TRIM28: variants seen among roughly 807,000 people sequenced by gnomAD.
The protein encoded by TRIM28 is transcription intermediary factor 1-beta.
In TRIM28, 8 loss-of-function variants were observed where a neutral mutation model predicts 87.4. The ratio of observed to expected loss-of-function variants is 0.09; its 90% CI spans 0.05 to 0.17. The LOEUF is 0.17. Ranked by LOEUF, TRIM28 falls within the 10% of genes least tolerant of loss-of-function variation. The pLI is 1.00. For synonymous variants in TRIM28, 601 were observed against 454.3 expected, an observed-to-expected ratio of 1.32 and a Z score of -4.11; for missense variants, 968 against 1,131.8, an observed-to-expected ratio of 0.86 and a Z score of 2.08.
rs1568658831 is a variant in TRIM28 at position 58,545,017 on chromosome 19, C to T, written c.260C>T (p.Ala87Val). 6.7e-7 allele frequency: 1 copy of T among 1,496,816 alleles called. No individual in the cohort carries two copies. Among genetic ancestry groups the T allele is most frequent in the Non-Finnish European group, 8.8e-7 (1 of 1,134,800 alleles). 92.7% of individuals were successfully genotyped at this position (1,496,816 alleles called of 1,614,324 possible). A position where few individuals can be genotyped will look rare whatever the true frequency, so the allele number is the denominator to read the frequency against. ...EPRLLPCLHS[A>V]CSACLGPAAP... is the part of the protein sequence containing the mutation. ...CGCCTGCTGCCCTGTTTGCACTCGGCCTGTAGTGCCTGCTTAGGGCCCGCG... is the reference window on the plus strand; with the variant it reads ...CGCCTGCTGCCCTGTTTGCACTCGGTCTGTAGTGCCTGCTTAGGGCCCGCG... The change falls in exon 1 of 17, where the codon GCC (alanine) becomes GTC (valine). Residue 87 changes from alanine to valine, a missense_variant. Physicochemically the swap from Ala to Val is moderately conservative, Grantham distance 64. Transcript: ENST00000253024.
At position 58,545,859 on chromosome 19, in the gene TRIM28, G is replaced by A. The variant is rs762115738; in HGVS notation, c.549G>A (p.Arg183=). 2.5e-6 allele frequency: 4 copies of A among 1,610,466 alleles called. No homozygotes were observed. The Admixed American group carries it at 6.7e-5, about 27-fold the overall frequency. The part of the protein sequence containing the change: ...LCETCVEAHQ[R]VKYTKDHTVR... ...AGACCTGTGTAGAGGCGCACCAGCG[G>A]GTGAAGTACACCAAGGACCATACTG... The change falls in exon 3 of 17, where the codon CGG becomes CGA. Residue 183 remains arginine, a synonymous_variant. Coordinates refer to ENST00000253024, the MANE Select transcript of TRIM28 (RefSeq NM_005762.3).
chr19:58,547,918 G>A lies in TRIM28; in HGVS notation c.954+12G>A, dbSNP rs1234412087. The A allele has an allele frequency of 1.2e-6, 2 of 1,614,120 alleles. No homozygotes were observed. The highest frequency in any genetic ancestry group is 2.2e-5 in the South Asian group (2 of 91,088). ...TCAATGATGCCCAGGTAAGCCTTGT[G>A]CCGGTGAGAAGGGTCCCTGAGCCCC... On this transcript the variant is annotated intron_variant, in intron 6 of 16. Coordinates refer to ENST00000253024, the MANE Select transcript of TRIM28 (RefSeq NM_005762.3).
rs1600081977 is a variant in TRIM28 at position 58,548,090 on chromosome 19, G to A, written c.1011G>A (p.Lys337=). The change falls in exon 7 of 17, where the codon AAG becomes AAA. Residue 337 remains lysine, a synonymous_variant. Transcript: ENST00000253024. ...RLERQHWTMT[K]IQKHQEHILR... ...AGCGGCAGCACTGGACCATGACCAA[G>A]ATCCAGAAGCACCAGGAGCACATTC... 1.2e-6 allele frequency: 2 copies of A among 1,614,206 alleles called. No individual in the cohort carries two copies. The highest frequency in any genetic ancestry group is 1.7e-6 in the Non-Finnish European group (2 of 1,180,032).
chr19:58,545,076 G>A lies in TRIM28; in HGVS notation c.319G>A (p.Gly107Arg), dbSNP rs931112982. ...PAAANSSGDGGAAGDGTVVDC... is the reference protein window; with the variant it reads ...PAAANSSGDGRAAGDGTVVDC... ...CGCCGCCAACAGCTCGGGGGACGGC[G>A]GGGCGGCGGGCGACGGCACCGGTAA... The change falls in exon 1 of 17, where the codon GGG becomes AGG. Residue 107 changes from glycine (G) to arginine (R), a missense_variant. Coordinates refer to ENST00000253024, the MANE Select transcript of TRIM28 (RefSeq NM_005762.3). 2.7e-5 allele frequency: 39 copies of A among 1,439,098 alleles called. No homozygotes were observed. The highest frequency in any genetic ancestry group is 3.0e-5 in the Non-Finnish European group (33 of 1,109,432). The allele number at this position is 1,439,098 out of a possible 1,614,324, so 89.1% of individuals were successfully genotyped here.
rs747352736 is a variant in TRIM28 at position 58,547,378 on chromosome 19, C to T, written c.589C>T (p.Pro197Ser). Residue 197 changes from proline (P) to serine (S), a missense_variant and splice_region_variant, in exon 4 of 17, where the codon CCA becomes TCA. Physicochemically the swap from Pro to Ser is moderately conservative, Grantham distance 74. Coordinates refer to ENST00000253024, the MANE Select transcript of TRIM28 (RefSeq NM_005762.3). ...GCCTTATGATTCCCACTCCCCAGGGCCAGCCAAGTCTCGGGATGGTGAACG... is the reference window on the plus strand; with the variant it reads ...GCCTTATGATTCCCACTCCCCAGGGTCAGCCAAGTCTCGGGATGGTGAACG... ...TKDHTVRSTG[P>S]AKSRDGERTV... The T allele has an allele frequency of 6.2e-7, 1 of 1,613,552 alleles. No homozygotes were observed. The highest frequency in any genetic ancestry group is 1.7e-5 in the Admixed American group (1 of 59,996).
rs1229843983 is a variant in TRIM28, at chr19:58,549,901, C to G, written c.2106+41C>G. 6.2e-7 allele frequency: 1 copy of G among 1,613,962 alleles called. No homozygotes were observed. The highest frequency in any genetic ancestry group is 8.5e-7 in the Non-Finnish European group (1 of 1,179,946). The stretch of plus-strand genomic sequence containing the variant: ...ACTTAGGTGGGGTTGCCCAGAGAGG[C>G]TTTATAGGTGCTGCCCAGAGCTGTG... On this transcript the variant is annotated intron_variant, in intron 14 of 16. Transcript: ENST00000253024. This position sits in a 1 kb window ranked among gnomAD's most constrained non-coding sequence, Gnocchi z 4.4.
Position 58,547,613 on chromosome 19 carries a change from G to A in TRIM28, c.739G>A (p.Asp247Asn), listed in dbSNP as rs2053772922. 2 of 1,613,938 alleles carry A rather than the reference G, an allele frequency of 1.2e-6. No individual in the cohort carries two copies. Among genetic ancestry groups the A allele is most frequent in the Non-Finnish European group, 1.7e-6 (2 of 1,180,032 alleles). ...TGCTCTCAGGTACCAGTTCTTAGAGGATGCAGTGAGGAACCAGCGCAAGCT... is the reference window on the plus strand; with the variant it reads ...TGCTCTCAGGTACCAGTTCTTAGAGAATGCAGTGAGGAACCAGCGCAAGCT... ...HKDHQYQFLEDAVRNQRKLLA... is the reference protein window; with the variant it reads ...HKDHQYQFLENAVRNQRKLLA... Residue 247 changes from aspartate (D) to asparagine (N), a missense_variant, in exon 5 of 17, where the codon GAT (aspartate) becomes AAT (asparagine). By Grantham distance (23) the Asp-to-Asn change is conservative. Transcript: ENST00000253024.
At position 58,548,579 on chromosome 19, in the gene TRIM28, C is replaced by G; in HGVS notation, c.1310C>G (p.Ser437Cys). Reference protein sequence around the residue: ...RAPGPLSKQGSGSSQPMEVQE... With the variant: ...RAPGPLSKQGCGSSQPMEVQE... ...CCAGGGCCCCTGAGCAAGCAGGGCT[C>G]TGGCAGCAGCCAGGTGAGCAGGAGA... The change falls in exon 9 of 17, where the codon TCT (serine) becomes TGT (cysteine). Residue 437 changes from serine (S) to cysteine (C), a missense_variant. Physicochemically the swap from Ser to Cys is moderately radical, Grantham distance 112. This residue lies in a region of TRIM28 where 119 missense variants were observed against 93.6 expected (regional missense o/e 1.27). Coordinates refer to ENST00000253024, the MANE Select transcript of TRIM28 (RefSeq NM_005762.3). 11 of 1,602,216 alleles carry G rather than the reference C, an allele frequency of 6.9e-6. No individual in the cohort carries two copies. The highest frequency in any genetic ancestry group is 1.1e-5 in the South Asian group (1 of 90,732).
Position 58,549,290 on chromosome 19 carries a change from G to C in TRIM28, c.1663-41G>C, listed in dbSNP as rs1303626751. 2 of 1,586,828 alleles carry C rather than the reference G, an allele frequency of 1.3e-6. No homozygotes were observed. Among genetic ancestry groups the C allele is most frequent in the Non-Finnish European group, 1.7e-6 (2 of 1,163,220 alleles). ...GCTGTAGGATGAAGCCTGTAGTCCA[G>C]GTCTGGACCCTGTTGAACACCCCTC... On this transcript the variant is annotated intron_variant, in intron 12 of 16. Coordinates refer to ENST00000253024, the MANE Select transcript of TRIM28 (RefSeq NM_005762.3). The surrounding 1 kb of genome is among the most constrained non-coding windows in gnomAD (Gnocchi z 4.4).
At position 58,545,047 on chromosome 19, in the gene TRIM28, C is replaced by A; in HGVS notation, c.290C>A (p.Pro97His). Residue 97 changes from proline (P) to histidine (H), a missense_variant, in exon 1 of 17, where the codon CCC (proline) becomes CAC (histidine). Physicochemically the swap from Pro to His is moderately conservative, Grantham distance 77. Coordinates refer to ENST00000253024, the MANE Select transcript of TRIM28 (RefSeq NM_005762.3). ...AGTGCCTGCTTAGGGCCCGCGGCCC[C>A]CGCCGCCGCCAACAGCTCGGGGGAC... The part of the protein sequence containing the change: ...ACSACLGPAA[P>H]AAANSSGDGG... The A allele has an allele frequency of 6.9e-7, 1 of 1,459,186 alleles. No individual in the cohort carries two copies. The highest frequency in any genetic ancestry group is 8.9e-7 in the Non-Finnish European group (1 of 1,119,400). 90.4% of individuals were successfully genotyped at this position (1,459,186 alleles called of 1,614,324 possible).
intron 3 of TRIM28, 46 bp from the exon 4 acceptor site, chr19:58,547,330 G>C: frequency 6.3e-7 from 1 of 1,599,866 alleles, no homozygotes. Flanking sequence ...TCCTGAGTTG[G>C]GGGTGGTGAA....
chr19:58,545,970 G>C, intron 3 of TRIM28, 74 bp downstream of exon 3: 1 of 1,524,214 alleles, frequency 6.6e-7, no homozygotes, highest in Non-Finnish European at 8.9e-7. Flanking sequence ...GATGTTGGTT[G>C]CATCTGGTGG....
At position 58,548,473 on chromosome 19, in the gene TRIM28, CT is replaced by C; in HGVS notation, c.1217-11del. 2.5e-6 allele frequency: 4 copies of C among 1,614,070 alleles called. No individual in the cohort carries two copies. The highest frequency in any genetic ancestry group is 3.4e-6 in the Non-Finnish European group (4 of 1,180,002). On this transcript the variant is annotated splice_polypyrimidine_tract_variant and intron_variant, in intron 8 of 16. Transcript: ENST00000253024. ...GTGCTGCACCTACTTACGTTTCTCT[CT>C]TCTTTTTGCAGGCAAGATTGTGGCA...
intron 15 of TRIM28, 54 bp from the exon 16 acceptor site, chr19:58,550,093 C>T (rs1364265040): frequency 7.4e-6 from 12 of 1,613,320 alleles, no homozygotes; most frequent in African/African-American, 6.7e-5. Context: ...TCGCCCTCAA[C>T]CTGTGCATGT....
In TRIM28 at chr19:58,549,537, C is replaced by G. The variant is rs1166143794; in HGVS notation, c.1869C>G (p.Asp623Glu). The change falls in exon 13 of 17, where the codon GAC (aspartate) becomes GAG (glutamate). Residue 623 changes from aspartate to glutamate, a missense_variant. Physicochemically the swap from Asp to Glu is conservative, Grantham distance 45. Around this residue, in one of 11 missense-constraint regions of TRIM28, gnomAD observed 164 missense variants for 146.2 expected, o/e 1.12. Transcript: ENST00000253024. This position sits in a 1 kb window ranked among gnomAD's most constrained non-coding sequence, Gnocchi z 4.4. ...GTGGTGGCCCGGGAACCCTGGATGA[C>G]AGTGCCACCATTTGCCGTGTCTGCC... ...APGGGPGTLD[D>E]SATICRVCQK... 6.2e-7 allele frequency: 1 copy of G among 1,613,932 alleles called. No homozygotes were observed. The highest frequency in any genetic ancestry group is 1.3e-5 in the African/African-American group (1 of 74,922).
chr19:58,549,442 C>A lies in TRIM28; in HGVS notation c.1774C>A (p.Leu592Met). ...GGGTCCTGGTGCTGAGGGTCCCCGCCTGGCCTCACCTAGTGGCAGCACCAG... is the reference window on the plus strand; with the variant it reads ...GGGTCCTGGTGCTGAGGGTCCCCGCATGGCCTCACCTAGTGGCAGCACCAG... Reference protein sequence around the residue: ...AEGPGAEGPRLASPSGSTSSG... With the variant: ...AEGPGAEGPRMASPSGSTSSG... The change falls in exon 13 of 17, where the codon CTG becomes ATG. Residue 592 changes from leucine to methionine, a missense_variant. By Grantham distance (15) the Leu-to-Met change is conservative. This residue lies in a region of TRIM28 where 164 missense variants were observed against 146.2 expected (regional missense o/e 1.12). Coordinates refer to ENST00000253024, the MANE Select transcript of TRIM28 (RefSeq NM_005762.3). This position sits in a 1 kb window ranked among gnomAD's most constrained non-coding sequence, Gnocchi z 4.4. The A allele has an allele frequency of 6.2e-7, 1 of 1,609,350 alleles. No individual in the cohort carries two copies. The highest frequency in any genetic ancestry group is 8.5e-7 in the Non-Finnish European group (1 of 1,176,444).
intron 1 of TRIM28, 93 bp downstream of exon 1, chr19:58,545,190 G>A (rs1323199948): frequency 1.6e-6 from 2 of 1,220,978 alleles, no homozygotes; most frequent in Non-Finnish European, 2.2e-6. Flanking sequence ...TGGGCGAGAG[G>A]ATGGGGGCCC....
At position 58,549,967 on chromosome 19, in the gene TRIM28, C is replaced by T. The variant is rs1811753102; in HGVS notation, c.2125C>T (p.Leu709=). The change falls in exon 15 of 17, where the codon CTG becomes TTG. Residue 709 remains leucine, a synonymous_variant. Coordinates refer to ENST00000253024, the MANE Select transcript of TRIM28 (RefSeq NM_005762.3). The surrounding 1 kb of genome is among the most constrained non-coding windows in gnomAD (Gnocchi z 4.4). The stretch of plus-strand genomic sequence containing the variant: ...TTTGTAGAAATGTGAGCGTGTACTG[C>T]TGGCCCTATTCTGTCACGAACCCTG... ...ANQRKCERVL[L]ALFCHEPCRP... is the part of the protein sequence containing the mutation. The T allele has an allele frequency of 6.2e-7, 1 of 1,613,948 alleles. No homozygotes were observed. Among genetic ancestry groups the T allele is most frequent in the Admixed American group, 1.7e-5 (1 of 59,992 alleles).
At position 58,547,894 on chromosome 19, in the gene TRIM28, C is replaced by A. The variant is rs766934679; in HGVS notation, c.942C>A (p.Val314=). The A allele has an allele frequency of 9.9e-6, 16 of 1,614,052 alleles. No individual in the cohort carries two copies. The highest frequency in any genetic ancestry group is 1.3e-5 in the Non-Finnish European group (15 of 1,180,038). ...TGAATAAGCGGGGCCGTGTGCTGGT[C>A]AATGATGCCCAGGTAAGCCTTGTGC... The part of the protein sequence containing the change: ...KELNKRGRVL[V]NDAQKVTEGQ... The change falls in exon 6 of 17, where the codon GTC becomes GTA. Residue 314 remains valine (V), a synonymous_variant. Transcript: ENST00000253024.
Sources: allele counts gnomAD v4.1 joint callset, GRCh38; gene constraint gnomAD v4.1.1; regional missense constraint gnomAD v4.1.1; non-coding constraint Gnocchi (gnomAD v3.1); transcripts MANE v1.5; gene names NCBI Gene and HGNC (gene_info 2026-07-23, HGNC 2026-07-21).